The following KATNAL1 variants were observed in gnomAD, a reference collection of about 807,000 sequenced individuals.
KATNAL1 encodes the protein katanin p60 ATPase-containing subunit A-like 1.
In KATNAL1, 32 loss-of-function variants were observed where a neutral mutation model predicts 55.2. The ratio of observed to expected loss-of-function variants is 0.58; its 90% CI spans 0.44 to 0.78. The LOEUF (loss-of-function observed/expected upper bound fraction) is 0.78, where lower values mean the gene tolerates loss of function less well. KATNAL1 is among the 30% of genes least tolerant of loss of function. The pLI is 0.00. For missense variants in KATNAL1, 466 were observed against 600.9 expected, an observed-to-expected ratio of 0.78 and a Z score of 2.35; for synonymous variants, 193 against 193.6, an observed-to-expected ratio of 1.00 and a Z score of 0.02.
In KATNAL1 at chr13:30,255,430, G is replaced by A. The variant is rs762893671; in HGVS notation, c.492+17C>T. The A allele has an allele frequency of 1.4e-6, 2 of 1,478,380 alleles. No individual in the cohort carries two copies. The highest frequency in any genetic ancestry group is 2.9e-5 in the South Asian group (2 of 69,194). The allele number at this position is 1,478,380 out of a possible 1,614,324, so 91.6% of individuals were successfully genotyped here. On this transcript the variant is annotated intron_variant, in intron 4 of 10. Transcript: ENST00000380615. ...CTGGGCTTCAAGTGAGTGAATTACA[G>A]AAAGACAGCATCTTGCCTTGTCATC...
intron 3 of KATNAL1, among the ~76,000 whole-genome samples, chr13:30,266,962 G>A (rs1203511167): frequency 2.6e-5 from 4 of 152,186 alleles, no homozygotes; most frequent in African/African-American, 7.2e-5. Flanking sequence ...ATATTGAGTG[G>A]ATTCTTGTCA....
chr13:30,283,468 CAA>C (rs1881556033), intron 2 of KATNAL1, 146 bp downstream of exon 2: 3 of 560,246 alleles, frequency 5.4e-6, no homozygotes, highest in South Asian at 4.8e-5. Context: ...GAAAATTATT[CAA>C]GAGTATATTT....
At chr13:30,265,236 C>T (rs1486255150) in intron 3 of KATNAL1, among the ~76,000 whole-genome samples, 5 of 110,644 alleles carry the variant, frequency 4.5e-5, no homozygotes, top group South Asian at 3.1e-4. Flanking sequence ...GGTGGGGGGA[C>T]GGGGGAGGGA....
At chr13:30,274,905 G>GCGCGCA (rs1880698734) in intron 3 of KATNAL1, among the ~76,000 whole-genome samples, 2 of 84,310 alleles carry the variant, frequency 2.4e-5, no homozygotes, top group African/African-American at 8.4e-5. Context: ...GCGCGCGCGC[G>GCGCGCA]CGCACACACA....
At chr13:30,282,909 C>T (rs146786032) in intron 2 of KATNAL1, among the ~76,000 whole-genome samples, 3,398 of 138,962 alleles carry the variant, frequency 0.024, 125 homozygotes, top group African/African-American at 0.085. Flanking sequence ...GAGCCGAGAT[C>T]GCGCCACTGC....
intron 1 of KATNAL1, among the ~76,000 whole-genome samples, chr13:30,289,098 C>T (rs7358807): frequency 0.22 from 32,762 of 152,108 alleles, 3,731 homozygotes; most frequent in East Asian, 0.3. Flanking sequence ...AGTGTTTTCT[C>T]AACTTTTTGA....
chr13:30,210,101 T>C (rs759541096), intron 10 of KATNAL1, among the ~76,000 whole-genome samples: 13 of 151,614 alleles, frequency 8.6e-5, no homozygotes, highest in Non-Finnish European at 1.6e-4. Context: ...AATCCAAAGA[T>C]CAAAAACATC....
intron 3 of KATNAL1, among the ~76,000 whole-genome samples, chr13:30,256,695 A>G (rs1217575067): frequency 6.6e-6 from 1 of 152,164 alleles, no homozygotes; most frequent in African/African-American, 2.4e-5. Context: ...AACAGTAAGA[A>G]AAAGAAAAAA....
chr13:30,259,933 C>G (rs1879130271), intron 3 of KATNAL1, among the ~76,000 whole-genome samples: 1 of 152,212 alleles, frequency 6.6e-6, no homozygotes, highest in Non-Finnish European at 1.5e-5. Flanking sequence ...CACAGACAAA[C>G]AAAAAGACAG....
chr13:30,238,041 C>T (rs188830605), intron 6 of KATNAL1, among the ~76,000 whole-genome samples: 2 of 152,166 alleles, frequency 1.3e-5, no homozygotes, highest in Non-Finnish European at 2.9e-5. Context: ...CACTTCTGAA[C>T]GTGCTCTTTG....
intron 9 of KATNAL1, among the ~76,000 whole-genome samples, chr13:30,214,376 C>T (rs922914055): frequency 6.6e-6 from 1 of 151,984 alleles, no homozygotes; most frequent in Non-Finnish European, 1.5e-5. Flanking sequence ...TAATGCCATC[C>T]CCATCAAGCT....
chr13:30,265,925 T>C (rs1337230351), intron 3 of KATNAL1, among the ~76,000 whole-genome samples: 2 of 149,116 alleles, frequency 1.3e-5, no homozygotes, highest in Admixed American at 6.7e-5. Flanking sequence ...GGCAGGAGAA[T>C]TGCTTGAACC....
rs1872992669 is a variant in KATNAL1 at position 30,205,162 on chromosome 13, G to A, written c.*3378C>T. ...AAACAGATTTAAAGTGCAAAAAATA[G>A]GGGAAAAAAACTTTTATATATTTTT... On this transcript the variant is annotated 3_prime_UTR_variant, in exon 11 of 11. Transcript: ENST00000380615. The A allele has an allele frequency of 6.6e-6, 1 of 152,102 alleles. No individual in the cohort carries two copies. Among genetic ancestry groups the A allele is most frequent in the Non-Finnish European group, 1.5e-5 (1 of 68,010 alleles). The allele number at this position is 152,102 out of a possible 1,614,324, so 9.4% of individuals were successfully genotyped here. A position where few individuals can be genotyped will look rare whatever the true frequency, so the allele number is the denominator to read the frequency against.
intron 1 of KATNAL1, among the ~76,000 whole-genome samples, chr13:30,302,021 G>A (rs549251399): frequency 7.2e-5 from 11 of 152,206 alleles, no homozygotes; most frequent in African/African-American, 1.2e-4. Context: ...ACGGGTGTGC[G>A]CAGCCACGCC....
At chr13:30,223,302 A>T (rs563149921) in intron 9 of KATNAL1, among the ~76,000 whole-genome samples, 1 of 145,676 alleles carries the variant, frequency 6.9e-6, no homozygotes, top group Admixed American at 6.9e-5. Flanking sequence ...ATTAGCCGGG[A>T]ATGGTGGCAG....
chr13:30,256,498 C>T (rs896513523), intron 3 of KATNAL1, among the ~76,000 whole-genome samples: 1 of 152,124 alleles, frequency 6.6e-6, no homozygotes, highest in African/African-American at 2.4e-5. Flanking sequence ...CCCTCTAGAT[C>T]CCATATGTGT....
chr13:30,237,753 C>A (rs1876838382), intron 6 of KATNAL1, among the ~76,000 whole-genome samples: 1 of 152,134 alleles, frequency 6.6e-6, no homozygotes, highest in South Asian at 2.1e-4. Context: ...TTATCTCTTT[C>A]CCCAGAAGCA....
chr13:30,210,351 C>T lies in KATNAL1; in HGVS notation c.1239G>A (p.Glu413=). The change falls in exon 10 of 11, where the codon GAG becomes GAA. Residue 413 remains glutamate, a synonymous_variant. Transcript: ENST00000380615. ...TAGTGATGTCAGCACCAGAATAGCC[C>T]TCAATCTTCTCGGCTATATCTTCCA... ...IQLEDIAEKI[E]GYSGADITNV... is the part of the protein sequence containing the mutation. The T allele has an allele frequency of 1.1e-5, 17 of 1,608,474 alleles. No homozygotes were observed. Among genetic ancestry groups the T allele is most frequent in the Non-Finnish European group, 1.4e-5 (16 of 1,177,860 alleles).
chr13:30,283,526 A>C (rs2137538515), intron 2 of KATNAL1, 90 bp downstream of exon 2: 2 of 1,188,300 alleles, frequency 1.7e-6, no homozygotes, highest in East Asian at 4.9e-5. Context: ...TTTCCATCTC[A>C]AACTCAAAAT....
Sources: gnomAD v4.1 joint callset for allele counts (sites outside exome capture counted in the v4.1 genomes callset) on GRCh38, gnomAD v4.1.1 for gene constraint, MANE v1.5 for transcripts, NCBI Gene and HGNC (gene_info 2026-07-23, HGNC 2026-07-21) for gene names.